The following MB21D2 variants were observed in gnomAD, a reference collection of about 807,000 sequenced individuals.
MB21D2 encodes the protein Mab-21 domain containing 2, also known as nucleotidyltransferase MB21D2.
MB21D2 carries 9 observed loss-of-function variants against 33.3 expected under a neutral mutation model. The ratio of observed to expected loss-of-function variants is 0.27; its 90% CI spans 0.16 to 0.47. The LOEUF (loss-of-function observed/expected upper bound fraction) is 0.47. Ranked by LOEUF, MB21D2 falls within the 20% of genes least tolerant of loss-of-function variation. The pLI is 0.99. For missense variants in MB21D2, 540 were observed against 624.6 expected (o/e 0.86, Z 1.44); for synonymous variants, 241 against 236.3 (o/e 1.02, Z -0.18).
In MB21D2 at chr3:192,797,024, A is replaced by T. The variant is rs1720537512; in HGVS notation, c.*1362T>A. 1 of 152,620 alleles carries T rather than the reference A, an allele frequency of 6.6e-6. No homozygotes were observed. Among genetic ancestry groups the T allele is most frequent in the Non-Finnish European group, 1.5e-5 (1 of 68,028 alleles). The allele number at this position is 152,620 out of a possible 1,614,324, so 9.5% of individuals were successfully genotyped here. Reference sequence around the variant, plus strand: ...CGTTACTTGCCCTTTCTATGAGTAGACATCATGGGTGTCCTTTGAAAGATC... The same window carrying T: ...CGTTACTTGCCCTTTCTATGAGTAGTCATCATGGGTGTCCTTTGAAAGATC... On this transcript the variant is annotated 3_prime_UTR_variant, in exon 2 of 2. Transcript: ENST00000392452.
intron 1 of MB21D2, among the ~76,000 whole-genome samples, chr3:192,902,254 G>A (rs553752673): frequency 6.6e-6 from 1 of 152,198 alleles, no homozygotes; most frequent in East Asian, 1.9e-4. Flanking sequence ...CTGTTCTTTT[G>A]CTCAGTGTGT....
chr3:192,889,934 G>GA (rs1007921221), intron 1 of MB21D2, among the ~76,000 whole-genome samples: 108 of 149,296 alleles, frequency 7.2e-4, no homozygotes, highest in Non-Finnish European at 1.2e-3. Context: ...AGTCAGTTAG[G>GA]AAAAAAAAAA....
intron 1 of MB21D2, among the ~76,000 whole-genome samples, chr3:192,808,819 T>C (rs1226600722): frequency 6.6e-6 from 1 of 152,216 alleles, no homozygotes; most frequent in African/African-American, 2.4e-5. Flanking sequence ...TCTGGCCTAC[T>C]CTATGTCATT....
At chr3:192,823,550 G>A (rs1712103846) in intron 1 of MB21D2, among the ~76,000 whole-genome samples, 1 of 152,114 alleles carries the variant, frequency 6.6e-6, no homozygotes, top group Non-Finnish European at 1.5e-5. Context: ...AGCTACTCGG[G>A]AGGCTGAGGC....
chr3:192,873,668 T>C (rs1713366595), intron 1 of MB21D2, among the ~76,000 whole-genome samples: 1 of 152,190 alleles, frequency 6.6e-6, no homozygotes. Context: ...CTGCACTCCC[T>C]GGAAACAGGA....
chr3:192,848,238 T>C (rs1442172145), intron 1 of MB21D2, among the ~76,000 whole-genome samples: 4 of 152,206 alleles, frequency 2.6e-5, no homozygotes, highest in Admixed American at 2.0e-4. Context: ...AGCCTGCCAG[T>C]TAAATGCCTA....
chr3:192,850,883 A>G (rs535196207), intron 1 of MB21D2, among the ~76,000 whole-genome samples: 36 of 152,304 alleles, frequency 2.4e-4, no homozygotes, highest in African/African-American at 8.4e-4. Context: ...GTTTACACTC[A>G]TTTTTAAATA....
chr3:192,810,095 C>G lies in MB21D2; in HGVS notation c.212-10445G>C, dbSNP rs189424282. On this transcript the variant is annotated intron_variant, in intron 1 of 1. Coordinates refer to ENST00000392452, the MANE Select transcript of MB21D2 (RefSeq NM_178496.4). ...AACATACTAACCACAAGGCCAGAAACTTTTATTGAACTCTAATGGAAGAAA... is the reference window on the plus strand; with the variant it reads ...AACATACTAACCACAAGGCCAGAAAGTTTTATTGAACTCTAATGGAAGAAA... Among the ~76,000 whole-genome samples the G allele has an allele frequency of 4.6e-5, 7 of 152,302 alleles. No individual in the cohort carries two copies. In the East Asian group the frequency reaches 1.4e-3, roughly 29 times the overall value.
chr3:192,813,695 C>A (rs926607026), intron 1 of MB21D2, among the ~76,000 whole-genome samples: 1 of 152,118 alleles, frequency 6.6e-6, no homozygotes, highest in African/African-American at 2.4e-5. Context: ...AAAGTATCCA[C>A]CTAGTTCTCC....
intron 1 of MB21D2, among the ~76,000 whole-genome samples, chr3:192,815,434 G>A (rs762102150): frequency 5.9e-5 from 9 of 152,214 alleles, no homozygotes; most frequent in Non-Finnish European, 8.8e-5. Flanking sequence ...AAGGATGGAA[G>A]CATAATCTCC....
At chr3:192,905,389 A>C (rs1194945546) in intron 1 of MB21D2, among the ~76,000 whole-genome samples, 1 of 152,246 alleles carries the variant, frequency 6.6e-6, no homozygotes, top group Non-Finnish European at 1.5e-5. Context: ...CTGTAATCCC[A>C]GCAATTTAGG....
rs4599241 is a variant in MB21D2, at chr3:192,898,995, C to A, written c.211+18635G>T. Among the ~76,000 whole-genome samples, 114 of 152,306 alleles carry A rather than the reference C, an allele frequency of 7.5e-4. 2 individuals are homozygous for A. The South Asian group carries it at 0.013, about 17-fold the overall frequency. ...AACGTGGTTGAAATGAGAGTAAGAG[C>A]TTCTGAGAGTTCAGTGTGTGGATGA... On this transcript the variant is annotated intron_variant, in intron 1 of 1. Coordinates refer to ENST00000392452, the MANE Select transcript of MB21D2 (RefSeq NM_178496.4).
chr3:192,874,557 C>T (rs544211967), intron 1 of MB21D2, among the ~76,000 whole-genome samples: 53 of 152,304 alleles, frequency 3.5e-4, no homozygotes, highest in South Asian at 2.1e-3. Flanking sequence ...TGTATAGTTG[C>T]TTATCCAGTG....
chr3:192,876,478 CT>C (rs1472121947), intron 1 of MB21D2, among the ~76,000 whole-genome samples: 2 of 152,246 alleles, frequency 1.3e-5, no homozygotes, highest in African/African-American at 2.4e-5. Context: ...TATTGCAACA[CT>C]TTCCTAACTG....
chr3:192,858,000 C>T (rs779886957), intron 1 of MB21D2, among the ~76,000 whole-genome samples: 30 of 152,102 alleles, frequency 2.0e-4, no homozygotes, highest in Non-Finnish European at 4.1e-4. Context: ...TGGTGCATGC[C>T]TGTAATCCCA....
chr3:192,896,100 G>A (rs1245235491), intron 1 of MB21D2, among the ~76,000 whole-genome samples: 6 of 152,138 alleles, frequency 3.9e-5, no homozygotes, highest in African/African-American at 1.4e-4. Context: ...CATGCATTAA[G>A]TTAATCCTTA....
chr3:192,804,361 G>A (rs199764065), intron 1 of MB21D2, among the ~76,000 whole-genome samples: 2 of 81,216 alleles, frequency 2.5e-5, no homozygotes, highest in Non-Finnish European at 5.3e-5. Context: ...TGAAAACTCA[G>A]AGAGTTCAAG....
chr3:192,854,059 A>G (rs572184216), intron 1 of MB21D2, among the ~76,000 whole-genome samples: 4 of 152,290 alleles, frequency 2.6e-5, no homozygotes, highest in African/African-American at 9.6e-5. Context: ...ATAATCCTAC[A>G]GTGGCCTCTA....
chr3:192,803,776 C>T (rs1416848917), intron 1 of MB21D2, among the ~76,000 whole-genome samples: 3 of 152,150 alleles, frequency 2.0e-5, no homozygotes, highest in South Asian at 2.1e-4. Context: ...TGCAATGATC[C>T]GAGGTTTTCT....
Sources: allele counts gnomAD v4.1 joint callset (sites outside exome capture counted in the v4.1 genomes callset), GRCh38; gene constraint gnomAD v4.1.1; transcripts MANE v1.5; gene names NCBI Gene and HGNC (gene_info 2026-07-23, HGNC 2026-07-21).